Variants in ENTPD1 observed in about 807,000 individuals in gnomAD.
ENTPD1 encodes the protein ectonucleoside triphosphate diphosphohydrolase 1, also known as ATP diphosphohydrolase.
In ENTPD1, 33 loss-of-function variants were observed where a neutral mutation model predicts 57.0. The ratio of observed to expected loss-of-function variants is 0.58; its 90% CI spans 0.44 to 0.77. ENTPD1 has a LOEUF of 0.77. Among genes scored for constraint, ENTPD1 ranks in the 30% least tolerant of loss-of-function variants. The pLI is 0.00. For synonymous variants in ENTPD1, 202 were observed against 218.8 expected (o/e 0.92, Z 0.68); for missense variants, 501 against 603.4 (o/e 0.83, Z 1.78).
At chr10:95,751,365 AG>A (rs1376565854), upstream of ENTPD1, among the ~76,000 whole-genome samples, 11 of 152,280 alleles carry the variant, frequency 7.2e-5, no homozygotes, top group African/African-American at 2.6e-4. Flanking sequence ...GGATGTGGGG[AG>A]GGGTCTAGGA....
In ENTPD1 at chr10:95,868,679, A is replaced by G. The variant is rs1282712259; in HGVS notation, c.*2296A>G. On this transcript the variant is annotated 3_prime_UTR_variant, in exon 10 of 10. Coordinates refer to ENST00000371205, the MANE Select transcript of ENTPD1 (RefSeq NM_001776.6). ...AAATGAGGATCACACAAACTACTAC[A>G]TGGCAGAGCAGATACTCCAACTCAT... 5.1e-6 allele frequency: 5 copies of G among 979,252 alleles called. No homozygotes were observed. Among genetic ancestry groups the G allele is most frequent in the Non-Finnish European group, 6.1e-6 (5 of 824,462 alleles). 60.7% of individuals were successfully genotyped at this position (979,252 alleles called of 1,614,324 possible). A position where few individuals can be genotyped will look rare whatever the true frequency, so the allele number is the denominator to read the frequency against.
At chr10:95,838,953 T>G (rs940855874) in intron 2 of ENTPD1, among the ~76,000 whole-genome samples, 2 of 152,122 alleles carry the variant, frequency 1.3e-5, no homozygotes, top group Non-Finnish European at 2.9e-5. Flanking sequence ...CTCCCCCTAC[T>G]CGTAAAGCTA....
At chr10:95,728,082 G>T (rs2139843187) in intron 1 of ENTPD1, among the ~76,000 whole-genome samples, 1 of 152,222 alleles carries the variant, frequency 6.6e-6, no homozygotes, top group Admixed American at 6.5e-5. Context: ...AGCTTATTTA[G>T]GCTATCTAAC....
At chr10:95,730,752 G>A (rs1589651636) in intron 1 of ENTPD1, among the ~76,000 whole-genome samples, 1 of 152,126 alleles carries the variant, frequency 6.6e-6, no homozygotes, top group African/African-American at 2.4e-5. Flanking sequence ...CAAAAATAGT[G>A]GCATTTCTTT....
chr10:95,829,668 C>T (rs1191374974), intron 2 of ENTPD1, among the ~76,000 whole-genome samples: 1 of 152,024 alleles, frequency 6.6e-6, no homozygotes, highest in East Asian at 1.9e-4. Flanking sequence ...TATGGAAGCC[C>T]AGAGAAAGAA....
intron 1 of ENTPD1, among the ~76,000 whole-genome samples, chr10:95,770,151 C>T (rs1445204808): frequency 2.7e-5 from 4 of 146,334 alleles, no homozygotes; most frequent in South Asian, 2.2e-4. Context: ...AAAAAAAAAA[C>T]GACAATGCTC....
At chr10:95,824,980 A>C (rs1356192720) in intron 2 of ENTPD1, among the ~76,000 whole-genome samples, 2 of 152,260 alleles carry the variant, frequency 1.3e-5, no homozygotes, top group Non-Finnish European at 2.9e-5. Context: ...TTGAGGTTAT[A>C]TAATAATTTT....
chr10:95,802,560 A>G (rs1449227940), intron 1 of ENTPD1, among the ~76,000 whole-genome samples: 4 of 152,074 alleles, frequency 2.6e-5, no homozygotes, highest in Non-Finnish European at 5.9e-5. Context: ...TGCACCCATC[A>G]ACTCATCATT....
intron 2 of ENTPD1, among the ~76,000 whole-genome samples, chr10:95,827,942 A>G (rs1406629098): frequency 2.0e-5 from 3 of 152,200 alleles, no homozygotes; most frequent in African/African-American, 7.2e-5. Flanking sequence ...GATTAAAGCT[A>G]TGTCTCTGAT....
In ENTPD1 at chr10:95,825,608, C is replaced by T. The variant is rs570272415; in HGVS notation, c.144+2244C>T. ...TTGTTTCTTTTTCAAGATGGAGTCT[C>T]GCTCTGTCGCCCAGGCTGGAGTGCA... On this transcript the variant is annotated intron_variant, in intron 2 of 9. Transcript: ENST00000371205. Among the ~76,000 whole-genome samples, 30 of 152,252 alleles carry T rather than the reference C, an allele frequency of 2.0e-4. No homozygotes were observed. The East Asian group carries it at 5.6e-3, about 28-fold the overall frequency.
chr10:95,866,713 C>G lies in ENTPD1; in HGVS notation c.*330C>G, dbSNP rs1270856089. 2.5e-6 allele frequency: 3 copies of G among 1,180,986 alleles called. No homozygotes were observed. The African/African-American group carries it at 4.8e-5, about 19-fold the overall frequency. 73.2% of individuals were successfully genotyped at this position (1,180,986 alleles called of 1,614,324 possible). The stretch of plus-strand genomic sequence containing the variant: ...ACAATATTGACTTTGTCTAGAAGAA[C>G]TGAGAGTCTTGAGTCCTGTGATAGG... On this transcript the variant is annotated 3_prime_UTR_variant, in exon 10 of 10. Coordinates refer to ENST00000371205, the MANE Select transcript of ENTPD1 (RefSeq NM_001776.6).
At chr10:95,865,096 A>G (rs780562038) in intron 9 of ENTPD1, among the ~76,000 whole-genome samples, 4 of 152,216 alleles carry the variant, frequency 2.6e-5, no homozygotes, top group Non-Finnish European at 4.4e-5. Context: ...ACCTTCCCAC[A>G]TAACAGTGAC....
At chr10:95,862,150 GAAGT>G (rs1164571970) in intron 8 of ENTPD1, among the ~76,000 whole-genome samples, 8 of 152,256 alleles carry the variant, frequency 5.3e-5, no homozygotes, top group Admixed American at 2.6e-4. Flanking sequence ...AGAGGCCCTG[GAAGT>G]AAGCTAAGAA....
At chr10:95,862,268 C>T (rs1668912584) in intron 8 of ENTPD1, among the ~76,000 whole-genome samples, 2 of 152,092 alleles carry the variant, frequency 1.3e-5, no homozygotes, top group Non-Finnish European at 2.9e-5. Context: ...ATGTTATGAC[C>T]CAGGGTTCAC....
intron 1 of ENTPD1, among the ~76,000 whole-genome samples, chr10:95,810,499 C>T (rs574865835): frequency 6.2e-4 from 93 of 149,460 alleles, no homozygotes; most frequent in Middle Eastern, 3.5e-3. Context: ...CAGGCAGAGA[C>T]GCTCCTCACA....
chr10:95,836,541 T>C (rs2098410171), intron 2 of ENTPD1, among the ~76,000 whole-genome samples: 1 of 152,144 alleles, frequency 6.6e-6, no homozygotes, highest in Non-Finnish European at 1.5e-5. Flanking sequence ...GTGTCAGATC[T>C]CTTCCTTACC....
chr10:95,852,091 G>T (rs377319541), intron 7 of ENTPD1, among the ~76,000 whole-genome samples: 1 of 152,152 alleles, frequency 6.6e-6, no homozygotes, highest in Non-Finnish European at 1.5e-5. Context: ...TCCAGCACCT[G>T]TCGTTTCCTG....
chr10:95,778,755 T>C (rs1294133084), intron 1 of ENTPD1, among the ~76,000 whole-genome samples: 1 of 152,218 alleles, frequency 6.6e-6, no homozygotes, highest in African/African-American at 2.4e-5. Flanking sequence ...TCTCTGATGA[T>C]AGTAATTAAT....
At chr10:95,753,886 C>T (rs115180622), upstream of ENTPD1, 5,785 of 152,220 alleles carry the variant, frequency 0.038, 129 homozygotes, top group Non-Finnish European at 0.049. Flanking sequence ...ATCCCAGTTA[C>T]GCGGGAGGCT....
Sources: gnomAD v4.1 joint callset for allele counts (sites outside exome capture counted in the v4.1 genomes callset) on GRCh38, gnomAD v4.1.1 for gene constraint, MANE v1.5 for transcripts, NCBI Gene and HGNC (gene_info 2026-07-23, HGNC 2026-07-21) for gene names.